The following PCSK5 variants were observed in gnomAD, a reference collection of about 807,000 sequenced individuals.
The protein encoded by PCSK5 is prohormone convertase 5.
PCSK5 carries 129 observed loss-of-function variants against 233.2 expected under a neutral mutation model. The observed-to-expected ratio is 0.55, with a 90% confidence interval of 0.48 to 0.64. The LOEUF (loss-of-function observed/expected upper bound fraction) is 0.64. Among genes scored for constraint, PCSK5 ranks in the 30% least tolerant of loss-of-function variants. PCSK5 has a pLI of 0.00. For synonymous variants in PCSK5, 825 were observed against 879.2 expected (o/e 0.94, Z 1.09); for missense variants, 2,076 against 2,430.1 (o/e 0.85, Z 3.06).
At position 76,298,084 on chromosome 9, in the gene PCSK5, C is replaced by G. The variant is rs1331624302; in HGVS notation, c.3523+1219C>G. ...TCAGGCATTTAAGAGGCAGTGCAAG[C>G]CAAAAGGAAAATGGTCTGGTGCTGT... On this transcript the variant is annotated intron_variant, in intron 27 of 37. Transcript: ENST00000674117. 2.6e-5 allele frequency among the ~76,000 whole-genome samples: 4 copies of G among 152,118 alleles called. No individual in the cohort carries two copies. The East Asian group carries it at 5.8e-4, about 22-fold the overall frequency.
At chr9:75,907,889 A>G (rs915850632) in intron 1 of PCSK5, among the ~76,000 whole-genome samples, 2 of 152,226 alleles carry the variant, frequency 1.3e-5, no homozygotes, top group African/African-American at 2.4e-5. Context: ...AAAGGTCCTA[A>G]AAGAAGGGTC....
chr9:76,019,415 T>C (rs1241635340), intron 3 of PCSK5, among the ~76,000 whole-genome samples: 1 of 152,228 alleles, frequency 6.6e-6, no homozygotes, highest in Non-Finnish European at 1.5e-5. Context: ...TAATGTTGTA[T>C]AGTCGGAGAT....
intron 5 of PCSK5, among the ~76,000 whole-genome samples, chr9:76,063,346 T>TTTTTTTG (rs1830107464): frequency 7.6e-6 from 1 of 131,136 alleles, no homozygotes; most frequent in Non-Finnish European, 1.6e-5. Context: ...TTTTTTTTTT[T>TTTTTTTG]TTATTGATAA....
intron 8 of PCSK5, among the ~76,000 whole-genome samples, chr9:76,106,451 A>G (rs1831982710): frequency 6.6e-6 from 1 of 152,228 alleles, no homozygotes; most frequent in Non-Finnish European, 1.5e-5. Context: ...GTTGAGAAAC[A>G]TTGCCTTTGC....
rs369980017 is a variant in PCSK5 at position 75,991,051 on chromosome 9, G to A, written c.411+4806G>A. Reference sequence around the variant, plus strand: ...ACACTTTCATGTGTATTATCTTATCGCCAGTGTTCCAGTGAGTTAATAACT... The same window carrying A: ...ACACTTTCATGTGTATTATCTTATCACCAGTGTTCCAGTGAGTTAATAACT... On this transcript the variant is annotated intron_variant, in intron 3 of 37. Transcript: ENST00000674117. Among the ~76,000 whole-genome samples the A allele has an allele frequency of 1.1e-4, 17 of 152,162 alleles. No homozygotes were observed. In the South Asian group the frequency reaches 1.2e-3, roughly 11 times the overall value.
At chr9:76,224,178 A>C (rs1052873950) in intron 20 of PCSK5, among the ~76,000 whole-genome samples, 22 of 152,234 alleles carry the variant, frequency 1.4e-4, no homozygotes, top group Non-Finnish European at 2.9e-4. Context: ...GTCCCTTATC[A>C]GGGAGGGAAA....
At chr9:76,027,320 C>T in intron 5 of PCSK5, among the ~76,000 whole-genome samples, 1 of 151,966 alleles carries the variant, frequency 6.6e-6, no homozygotes, top group South Asian at 2.1e-4. Context: ...CCCTGTGAGC[C>T]ATTTGTTTAG....
intron 5 of PCSK5, among the ~76,000 whole-genome samples, chr9:76,038,745 C>A (rs1413108881): frequency 6.6e-6 from 1 of 152,182 alleles, no homozygotes; most frequent in Non-Finnish European, 1.5e-5. Context: ...AAGTCAGGAA[C>A]AATCTTAGAT....
intron 5 of PCSK5, among the ~76,000 whole-genome samples, chr9:76,063,132 T>C (rs1052748803): frequency 3.3e-5 from 5 of 149,604 alleles, no homozygotes; most frequent in Admixed American, 2.0e-4. Flanking sequence ...TTTAATTTTT[T>C]TTTCTTTTTT....
intron 24 of PCSK5, among the ~76,000 whole-genome samples, chr9:76,289,953 T>G (rs753578989): frequency 2.0e-5 from 3 of 152,142 alleles, no homozygotes; most frequent in Admixed American, 6.5e-5. Context: ...TTGGTTCTGT[T>G]TAACATTTTC....
chr9:76,298,157 C>G (rs543905383), intron 27 of PCSK5, among the ~76,000 whole-genome samples: 2 of 152,100 alleles, frequency 1.3e-5, no homozygotes, highest in Admixed American at 6.6e-5. Context: ...GATGATGACA[C>G]GGTCCAGGGA....
intron 20 of PCSK5, among the ~76,000 whole-genome samples, chr9:76,222,113 G>T: frequency 6.6e-6 from 1 of 152,122 alleles, no homozygotes; most frequent in Non-Finnish European, 1.5e-5. Flanking sequence ...CCATCTGCCA[G>T]ATGTCTCCCT....
rs1587715951 is a variant in PCSK5, at chr9:76,173,495, C to CTTTTTTTTTTTTTTTTTTTTTTT, written c.1757-1491_1757-1490insTTTTTTTTTTTTTTTTTTTTTTT. Among the ~76,000 whole-genome samples the CTTTTTTTTTTTTTTTTTTTTTTT allele has an allele frequency of 4.3e-4, 15 of 34,598 alleles. 1 individual carries two copies. Among genetic ancestry groups the CTTTTTTTTTTTTTTTTTTTTTTT allele is most frequent in the Admixed American group, 1.2e-3 (4 of 3,210 alleles). The allele number at this position is 34,598 out of a possible 152,430, so 22.7% of individuals were successfully genotyped here. ...ACTTTAATGAAATGGAGGCACGTTTCCTTTTTTTTTTTTTTTTTTTTTTTT... is the reference window on the plus strand; with the variant it reads ...ACTTTAATGAAATGGAGGCACGTTTCTTTTTTTTTTTTTTTTTTTTTTTCTTTTTTTTTTTTTTTTTTTTTTTT... On this transcript the variant is annotated intron_variant, in intron 13 of 37. Coordinates refer to ENST00000674117, the MANE Select transcript of PCSK5 (RefSeq NM_001372043.1).
intron 1 of PCSK5, among the ~76,000 whole-genome samples, chr9:75,927,837 T>G (rs1399892442): frequency 6.6e-6 from 1 of 152,244 alleles, no homozygotes. Context: ...ACAGGCTCTG[T>G]GAACTCATTT....
chr9:76,032,564 G>A (rs1428616457), intron 5 of PCSK5, among the ~76,000 whole-genome samples: 3 of 152,142 alleles, frequency 2.0e-5, no homozygotes, highest in African/African-American at 7.2e-5. Flanking sequence ...TTCCCAAATG[G>A]TGGTATGTCA....
chr9:76,117,582 A>AG (rs1377558558), intron 9 of PCSK5, among the ~76,000 whole-genome samples: 1 of 152,146 alleles, frequency 6.6e-6, no homozygotes, highest in Non-Finnish European at 1.5e-5. Context: ...CGTCTAATAG[A>AG]GCTTGCAATC....
At position 76,323,208 on chromosome 9, in the gene PCSK5, C is replaced by T. The variant is rs746647388; in HGVS notation, c.4259C>T (p.Ser1420Phe). ...GACTGCGAGCTCTGTCTTGAGAGTT[C>T]CTGGGTCCTCTATGATGGACTGTGC... Reference protein sequence around the residue: ...ADDCELCLESSWVLYDGLCLE... With the variant: ...ADDCELCLESFWVLYDGLCLE... Residue 1420 changes from serine to phenylalanine, a missense_variant, in exon 32 of 38, where the codon TCC (serine) becomes TTC (phenylalanine). Ser to Phe is a radical substitution (Grantham distance 155). Coordinates refer to ENST00000674117, the MANE Select transcript of PCSK5 (RefSeq NM_001372043.1). 16 of 1,612,610 alleles carry T rather than the reference C, an allele frequency of 9.9e-6. No individual in the cohort carries two copies. Among genetic ancestry groups the T allele is most frequent in the Non-Finnish European group, 6.8e-6 (8 of 1,179,850 alleles).
intron 5 of PCSK5, among the ~76,000 whole-genome samples, chr9:76,061,664 CATAGTTTACAATTGATT>C (rs2131581264): frequency 6.6e-6 from 1 of 152,040 alleles, no homozygotes; most frequent in East Asian, 1.9e-4. Context: ...AAAAATTGAT[CATAGTTTACAATTGATT>C]ATAGTTTACA....
chr9:75,993,762 A>G (rs1289832121), intron 3 of PCSK5, among the ~76,000 whole-genome samples: 1 of 152,212 alleles, frequency 6.6e-6, no homozygotes, highest in Non-Finnish European at 1.5e-5. Flanking sequence ...TCAAGCTTCC[A>G]AGAGACTTGC....
Sources: gnomAD v4.1 joint callset for allele counts (sites outside exome capture counted in the v4.1 genomes callset) on GRCh38, gnomAD v4.1.1 for gene constraint, MANE v1.5 for transcripts, NCBI Gene and HGNC (gene_info 2026-07-23, HGNC 2026-07-21) for gene names.